RUNDC3B: variants seen among roughly 807,000 people sequenced by gnomAD.
RUNDC3B encodes the protein RUN domain containing 3B.
Under a neutral mutation model 58.4 loss-of-function variants are expected in RUNDC3B, and 33 were observed. That is an observed-to-expected ratio of 0.56 (90% confidence interval 0.43 to 0.75). The LOEUF is 0.75. Ranked by LOEUF, RUNDC3B falls within the 30% of genes least tolerant of loss-of-function variation. The probability of loss-of-function intolerance (pLI) is 0.00; values close to 1 mark genes in which losing one functional copy is unlikely to be tolerated. For missense variants in RUNDC3B, 501 were observed against 535.7 expected, an observed-to-expected ratio of 0.94 and a Z score of 0.64; for synonymous variants, 193 against 195.2, an observed-to-expected ratio of 0.99 and a Z score of 0.10.
At chr7:87,709,102 G>GCACAA (rs1391832245) in intron 3 of RUNDC3B, 2 of 235,020 alleles carry the variant, frequency 8.5e-6, no homozygotes, top group African/African-American at 4.7e-5. Flanking sequence ...ATTAAAATTA[G>GCACAA]CACAACTTAT....
chr7:87,631,902 A>G (rs1234813864), intron 1 of RUNDC3B, among the ~76,000 whole-genome samples: 1 of 152,228 alleles, frequency 6.6e-6, no homozygotes, highest in African/African-American at 2.4e-5. Context: ...TTATAGGCTT[A>G]AAATTAATAA....
At chr7:87,629,123 C>A in intron 1 of RUNDC3B, 178 bp downstream of exon 1, 1 of 483,978 alleles carries the variant, frequency 2.1e-6, no homozygotes. Context: ...GGTCTGGACA[C>A]CGTCGCAGCC....
chr7:87,665,976 CTT>C (rs1825194165), intron 2 of RUNDC3B, among the ~76,000 whole-genome samples: 1 of 151,934 alleles, frequency 6.6e-6, no homozygotes, highest in Non-Finnish European at 1.5e-5. Flanking sequence ...GGTAGAATGA[CTT>C]ATATTCCTCT....
chr7:87,824,165 A>G (rs929869605), intron 10 of RUNDC3B, among the ~76,000 whole-genome samples: 7 of 151,304 alleles, frequency 4.6e-5, no homozygotes, highest in Non-Finnish European at 8.8e-5. Flanking sequence ...ACAAGCAATT[A>G]GTCATAAGAC....
chr7:87,732,847 G>A (rs1831670554), intron 4 of RUNDC3B, among the ~76,000 whole-genome samples: 2 of 152,204 alleles, frequency 1.3e-5, no homozygotes, highest in Admixed American at 1.3e-4. Context: ...GAGAAGTACA[G>A]TATACAGAGA....
At chr7:87,807,562 G>A (rs374039278) in intron 9 of RUNDC3B, 43 bp downstream of exon 9, 2 of 1,428,460 alleles carry the variant, frequency 1.4e-6, no homozygotes, top group Non-Finnish European at 2.0e-6. Flanking sequence ...ATAGTTAGTT[G>A]TACCAAAACA....
intron 4 of RUNDC3B, among the ~76,000 whole-genome samples, chr7:87,716,789 A>T (rs1407290461): frequency 6.6e-6 from 1 of 152,100 alleles, no homozygotes; most frequent in Non-Finnish European, 1.5e-5. Context: ...AACAAGTAAA[A>T]TTTTTGGTAT....
chr7:87,802,268 C>T (rs537851111), intron 8 of RUNDC3B, among the ~76,000 whole-genome samples: 3 of 152,096 alleles, frequency 2.0e-5, no homozygotes, highest in Non-Finnish European at 4.4e-5. Flanking sequence ...TGGTTGCATG[C>T]TTGTAGTCCC....
At chr7:87,806,648 A>C (rs1263016763) in intron 8 of RUNDC3B, among the ~76,000 whole-genome samples, 1 of 152,198 alleles carries the variant, frequency 6.6e-6, no homozygotes, top group Non-Finnish European at 1.5e-5. Flanking sequence ...ATTCTTTTCT[A>C]AGTTGATATT....
chr7:87,629,037 G>A, intron 1 of RUNDC3B, 92 bp downstream of exon 1: 1 of 1,183,948 alleles, frequency 8.4e-7, no homozygotes, highest in Non-Finnish European at 1.1e-6. Flanking sequence ...CGGGCATGAT[G>A]GGCTGCCGCC....
At chr7:87,817,415 G>C (rs1175882537) in intron 10 of RUNDC3B, among the ~76,000 whole-genome samples, 1 of 152,132 alleles carries the variant, frequency 6.6e-6, no homozygotes, top group East Asian at 1.9e-4. Flanking sequence ...ATGGCAATTA[G>C]AATAAAATCC....
chr7:87,779,364 T>G (rs1834814051), intron 8 of RUNDC3B, among the ~76,000 whole-genome samples: 1 of 152,164 alleles, frequency 6.6e-6, no homozygotes, highest in Non-Finnish European at 1.5e-5. Flanking sequence ...TAGCTAGAAT[T>G]CTTATAGAAT....
chr7:87,715,423 AAT>A (rs947005648), intron 4 of RUNDC3B, among the ~76,000 whole-genome samples: 4 of 127,158 alleles, frequency 3.1e-5, no homozygotes, highest in Non-Finnish European at 4.8e-5. Context: ...TAATATATTT[AAT>A]ATATAATTAT....
intron 3 of RUNDC3B, among the ~76,000 whole-genome samples, chr7:87,709,793 G>T (rs1481310720): frequency 6.6e-6 from 1 of 152,020 alleles, no homozygotes; most frequent in Non-Finnish European, 1.5e-5. Flanking sequence ...GTTTTTTAGA[G>T]ATTTGTGAAA....
intron 6 of RUNDC3B, among the ~76,000 whole-genome samples, chr7:87,754,182 A>G (rs983548978): frequency 3.3e-5 from 5 of 152,220 alleles, no homozygotes; most frequent in African/African-American, 1.2e-4. Flanking sequence ...CTGACCACAT[A>G]ATTGGACATA....
intron 8 of RUNDC3B, among the ~76,000 whole-genome samples, chr7:87,803,752 A>T (rs1429635974): frequency 6.6e-6 from 1 of 152,118 alleles, no homozygotes; most frequent in Non-Finnish European, 1.5e-5. Flanking sequence ...TTCGTTGTGA[A>T]TATATTTTTT....
chr7:87,777,025 C>A (rs1247506315), intron 7 of RUNDC3B, among the ~76,000 whole-genome samples: 3 of 152,020 alleles, frequency 2.0e-5, no homozygotes, highest in Non-Finnish European at 4.4e-5. Context: ...TTCCTGAATT[C>A]AGAAATTTAG....
intron 10 of RUNDC3B, among the ~76,000 whole-genome samples, chr7:87,821,425 T>C (rs975887589): frequency 2.0e-5 from 3 of 152,174 alleles, no homozygotes; most frequent in Middle Eastern, 3.2e-3. Context: ...TCCATGCTCA[T>C]GGGTAGGAAG....
chr7:87,812,169 T>C (rs979165438), intron 9 of RUNDC3B, among the ~76,000 whole-genome samples: 5 of 152,194 alleles, frequency 3.3e-5, no homozygotes, highest in African/African-American at 9.6e-5. Flanking sequence ...TTTCTGAATT[T>C]CCTTTTGATT....
Sources: gnomAD v4.1 joint callset for allele counts (sites outside exome capture counted in the v4.1 genomes callset) on GRCh38, gnomAD v4.1.1 for gene constraint, MANE v1.5 for transcripts, NCBI Gene and HGNC (gene_info 2026-07-23, HGNC 2026-07-21) for gene names.